The following CCPG1 variants were observed in gnomAD, a reference collection of about 807,000 sequenced individuals.
CCPG1 encodes the protein cell cycle progression 1, also known as cell cycle progression protein 1.
Under a neutral mutation model 81.3 loss-of-function variants are expected in CCPG1, and 46 were observed. The ratio of observed to expected loss-of-function variants is 0.57; its 90% CI spans 0.45 to 0.72. CCPG1 has a LOEUF of 0.72. Among genes scored for constraint, CCPG1 ranks in the 30% least tolerant of loss-of-function variants. CCPG1 has a pLI of 0.00. For missense variants in CCPG1, 902 were observed against 937.6 expected, an observed-to-expected ratio of 0.96 and a Z score of 0.50; for synonymous variants, 330 against 305.2, an observed-to-expected ratio of 1.08 and a Z score of -0.85.
intron 1 of CCPG1, among the ~76,000 whole-genome samples, chr15:55,399,181 T>C (rs760953544): frequency 3.9e-5 from 6 of 151,998 alleles, no homozygotes; most frequent in Non-Finnish European, 8.8e-5. Context: ...GTGCAAGAAC[T>C]GGAATGTTAA....
At chr15:55,369,027 G>A (rs558650039) in intron 6 of CCPG1, among the ~76,000 whole-genome samples, 298 of 152,188 alleles carry the variant, frequency 2.0e-3, no homozygotes, top group Non-Finnish European at 2.9e-3. Flanking sequence ...CAGAAGGATC[G>A]CTTGAACCTG....
chr15:55,361,063 C>G, intron 7 of CCPG1, 119 bp from the exon 8 acceptor site: 6 of 1,081,394 alleles, frequency 5.5e-6, no homozygotes, highest in Admixed American at 3.5e-5. Flanking sequence ...GATACAACCC[C>G]CCGGGTAGTA....
intron 5 of CCPG1, among the ~76,000 whole-genome samples, chr15:55,373,808 T>C (rs954493084): frequency 6.6e-6 from 1 of 152,222 alleles, no homozygotes; most frequent in African/African-American, 2.4e-5. Context: ...TTTAAATAAT[T>C]GTTCAATTCT....
intron 6 of CCPG1, among the ~76,000 whole-genome samples, chr15:55,369,260 G>T (rs962322943): frequency 2.6e-5 from 4 of 151,986 alleles, no homozygotes; most frequent in African/African-American, 9.7e-5. Flanking sequence ...GTCTTGCCAG[G>T]TGCGGTGGCT....
At chr15:55,373,010 C>G (rs2056486108) in intron 5 of CCPG1, 1 of 534,472 alleles carries the variant, frequency 1.9e-6, no homozygotes, top group Admixed American at 1.9e-5. Flanking sequence ...AATATGTCAG[C>G]ATGAGGAAGT....
intron 3 of CCPG1, among the ~76,000 whole-genome samples, chr15:55,382,829 A>G (rs955328539): frequency 3.9e-5 from 6 of 152,098 alleles, no homozygotes; most frequent in African/African-American, 1.4e-4. Flanking sequence ...TCTAATTCTA[A>G]TTCTCTTGCT....
At position 55,359,884 on chromosome 15, in the gene CCPG1, G is replaced by A. The variant is rs771165083; in HGVS notation, c.1889C>T (p.Ser630Phe). ...ENSHSFRKAC[S>F]GVFDCAQQES... ...TTGTTGAGCACAATCAAATACACCAGAACAAGCCTTTCTGAAAGAATGAGA... is the reference window on the plus strand; with the variant it reads ...TTGTTGAGCACAATCAAATACACCAAAACAAGCCTTTCTGAAAGAATGAGA... Residue 630 changes from serine to phenylalanine, a missense_variant, in exon 8 of 9, where the codon TCT becomes TTT. Transcript: ENST00000442196. 1 of 1,613,724 alleles carries A rather than the reference G, an allele frequency of 6.2e-7. No individual in the cohort carries two copies. Among genetic ancestry groups the A allele is most frequent in the South Asian group, 1.1e-5 (1 of 91,068 alleles).
chr15:55,401,956 C>T (rs1282184250), intron 1 of CCPG1, among the ~76,000 whole-genome samples: 1 of 152,174 alleles, frequency 6.6e-6, no homozygotes, highest in Non-Finnish European at 1.5e-5. Context: ...ACAACCCTAA[C>T]TCCATGTCTT....
In CCPG1 at chr15:55,389,968, G is replaced by C. The variant is rs558080846; in HGVS notation, c.-9-535C>G. On this transcript the variant is annotated intron_variant, in intron 1 of 8. Coordinates refer to ENST00000442196, the MANE Select transcript of CCPG1 (RefSeq NM_001204450.2). Reference sequence around the variant, plus strand: ...GAGACGGAGTCTCGAGCTGTCGACCGGTTGGAGTGCGGTGGCACGATCTCG... The same window carrying C: ...GAGACGGAGTCTCGAGCTGTCGACCCGTTGGAGTGCGGTGGCACGATCTCG... Among the ~76,000 whole-genome samples the C allele has an allele frequency of 4.6e-5, 7 of 152,342 alleles. No individual in the cohort carries two copies. In the East Asian group the frequency reaches 7.7e-4, roughly 17 times the overall value.
chr15:55,395,180 T>G (rs1252709876), intron 1 of CCPG1, among the ~76,000 whole-genome samples: 1 of 152,006 alleles, frequency 6.6e-6, no homozygotes, highest in African/African-American at 2.4e-5. Flanking sequence ...GAAAAAGATT[T>G]CCCGCTGGCC....
At chr15:55,401,492 C>T (rs1292949288) in intron 1 of CCPG1, among the ~76,000 whole-genome samples, 2 of 152,110 alleles carry the variant, frequency 1.3e-5, no homozygotes, top group African/African-American at 4.8e-5. Flanking sequence ...TATGGCGAAA[C>T]TCCGTCTCTA....
At chr15:55,406,936 C>G (rs2057237494) in intron 1 of CCPG1, among the ~76,000 whole-genome samples, 1 of 151,622 alleles carries the variant, frequency 6.6e-6, no homozygotes, top group South Asian at 2.1e-4. Flanking sequence ...TGAATTAACG[C>G]CCGCGCGGTG....
At chr15:55,407,210 A>ATT (rs1472732363) in intron 1 of CCPG1, among the ~76,000 whole-genome samples, 1 of 141,574 alleles carries the variant, frequency 7.1e-6, no homozygotes. Context: ...CCTGGGCAAC[A>ATT]AGAGCGAAAC....
chr15:55,392,457 T>C (rs1327293174), intron 1 of CCPG1, among the ~76,000 whole-genome samples: 1 of 151,606 alleles, frequency 6.6e-6, no homozygotes, highest in South Asian at 2.1e-4. Flanking sequence ...GACATCATGA[T>C]CCACCCAACT....
At chr15:55,378,455 T>C in intron 3 of CCPG1, 79 bp from the exon 4 acceptor site, 1 of 785,662 alleles carries the variant, frequency 1.3e-6, no homozygotes, top group African/African-American at 1.8e-5. Context: ...ACATATAATC[T>C]GGGTAGATAA....
chr15:55,390,675 C>G (rs1256226570), intron 1 of CCPG1, among the ~76,000 whole-genome samples: 4 of 152,160 alleles, frequency 2.6e-5, no homozygotes, highest in African/African-American at 9.7e-5. Flanking sequence ...GTTGGCCAGG[C>G]TGGTCTCAAA....
At chr15:55,382,539 T>G (rs1417072994) in intron 3 of CCPG1, among the ~76,000 whole-genome samples, 1 of 149,888 alleles carries the variant, frequency 6.7e-6, no homozygotes, top group Non-Finnish European at 1.5e-5. Flanking sequence ...AGACAGAGTC[T>G]CGCTCTGTTG....
At chr15:55,370,522 G>A (rs919304287) in intron 6 of CCPG1, among the ~76,000 whole-genome samples, 1 of 152,188 alleles carries the variant, frequency 6.6e-6, no homozygotes, top group African/African-American at 2.4e-5. Context: ...CAGGCACGGT[G>A]GCTCATGCCT....
chr15:55,381,752 T>C (rs2056701190), intron 3 of CCPG1, among the ~76,000 whole-genome samples: 1 of 152,218 alleles, frequency 6.6e-6, no homozygotes, highest in Non-Finnish European at 1.5e-5. Context: ...GCAGTAATTG[T>C]TCAGGAGTCC....
Sources: gnomAD v4.1 joint callset for allele counts (sites outside exome capture counted in the v4.1 genomes callset) on GRCh38, gnomAD v4.1.1 for gene constraint, MANE v1.5 for transcripts, NCBI Gene and HGNC (gene_info 2026-07-23, HGNC 2026-07-21) for gene names.